GSTCD: variants seen among roughly 807,000 people sequenced by gnomAD.
The protein encoded by GSTCD is glutathione S-transferase C-terminal domain-containing protein.
In GSTCD, 44 loss-of-function variants were observed where a neutral mutation model predicts 68.3. That is an observed-to-expected ratio of 0.64 (90% CI 0.51 to 0.83). The LOEUF (loss-of-function observed/expected upper bound fraction) is 0.83. Among genes scored for constraint, GSTCD ranks in the 40% least tolerant of loss-of-function variants. The pLI, the probability that GSTCD is intolerant of heterozygous loss-of-function variation, is 0.00. For missense variants in GSTCD, 739 were observed against 735.9 expected (o/e 1.00, Z -0.05); for synonymous variants, 273 against 255.2 (o/e 1.07, Z -0.67).
At position 105,837,524 on chromosome 4, in the gene GSTCD, C is replaced by G. The variant is rs188773028; in HGVS notation, c.1665-335C>G. On this transcript the variant is annotated intron_variant, in intron 9 of 11. Coordinates refer to ENST00000515279, the MANE Select transcript of GSTCD (RefSeq NM_001370181.1). The stretch of plus-strand genomic sequence containing the variant: ...AAAGTATCTTTTCAATGGCAGTCCT[C>G]TCCTGATCTGTTGGCTGTGCACATC... Among the ~76,000 whole-genome samples the G allele has an allele frequency of 2.7e-3, 412 of 152,260 alleles. 1 individual carries two copies. The Middle Eastern group carries it at 0.037, about 14-fold the overall frequency.
chr4:105,781,557 A>C (rs1309948929), intron 5 of GSTCD, among the ~76,000 whole-genome samples: 1 of 152,004 alleles, frequency 6.6e-6, no homozygotes, highest in Non-Finnish European at 1.5e-5. Flanking sequence ...TTCTCAGCCT[A>C]ATTTTCCTTT....
rs750128463 is a variant in GSTCD at position 105,834,598 on chromosome 4, A to G, written c.1664+4A>G. 1.5e-5 allele frequency: 24 copies of G among 1,613,712 alleles called. No individual in the cohort carries two copies. The highest frequency in any genetic ancestry group is 1.9e-5 in the Non-Finnish European group (23 of 1,179,796). ...CAAAGTTCAATTTTCCAAAAAGGTG[A>G]GAAATTCAGTGTTCTACATAAGACA... On this transcript the variant is annotated splice_donor_region_variant and intron_variant, in intron 9 of 11. Transcript: ENST00000515279.
At chr4:105,762,123 A>C (rs1282306734) in intron 5 of GSTCD, among the ~76,000 whole-genome samples, 1 of 152,240 alleles carries the variant, frequency 6.6e-6, no homozygotes, top group African/African-American at 2.4e-5. Context: ...TCTCATATGG[A>C]AAATAGTCAG....
In GSTCD at chr4:105,834,526, T is replaced by C; in HGVS notation, c.1596T>C (p.Ala532=). 6.2e-7 allele frequency: 1 copy of C among 1,614,098 alleles called. No individual in the cohort carries two copies. Among genetic ancestry groups the C allele is most frequent in the African/African-American group, 1.3e-5 (1 of 75,048 alleles). ...MVIEHCIKTR[A]SFVTCPCCYG... ...TTGAGCACTGTATCAAAACACGGGC[T>C]TCCTTCGTCACATGCCCTTGCTGTT... Residue 532 remains alanine (A), a synonymous_variant, in exon 9 of 12, where the codon GCT becomes GCC. Transcript: ENST00000515279.
intron 3 of GSTCD, among the ~76,000 whole-genome samples, chr4:105,725,212 G>T (rs1022959289): frequency 3.9e-5 from 6 of 151,988 alleles, no homozygotes; most frequent in African/African-American, 1.4e-4. Flanking sequence ...GTTTTCCATT[G>T]TATAGCTGTA....
At position 105,790,157 on chromosome 4, in the gene GSTCD, A is replaced by C. The variant is rs181372359; in HGVS notation, c.1241-32797A>C. Among the ~76,000 whole-genome samples the C allele has an allele frequency of 4.6e-5, 7 of 152,198 alleles. No individual in the cohort carries two copies. The East Asian group carries it at 1.4e-3, about 29-fold the overall frequency. ...AAGGAGAACTAGGAATGTTGACAGC[A>C]AACTAACTTAGAGACCTCCCAGTTA... On this transcript the variant is annotated intron_variant, in intron 5 of 11. Transcript: ENST00000515279.
chr4:105,804,459 A>G (rs1182746002), intron 5 of GSTCD, among the ~76,000 whole-genome samples: 1 of 152,094 alleles, frequency 6.6e-6, no homozygotes, highest in African/African-American at 2.4e-5. Flanking sequence ...CACCTAATTC[A>G]GAGGATTTAT....
At chr4:105,726,198 A>G (rs948685665) in intron 3 of GSTCD, among the ~76,000 whole-genome samples, 1 of 152,186 alleles carries the variant, frequency 6.6e-6, no homozygotes, top group Non-Finnish European at 1.5e-5. Flanking sequence ...GTCATAATAA[A>G]AAGAAACAAA....
chr4:105,746,713 T>G (rs1322617279), intron 5 of GSTCD, among the ~76,000 whole-genome samples: 1 of 152,182 alleles, frequency 6.6e-6, no homozygotes, highest in Non-Finnish European at 1.5e-5. Context: ...TTGACTAAAG[T>G]TTTAAATGTA....
intron 5 of GSTCD, among the ~76,000 whole-genome samples, chr4:105,776,344 A>G (rs756708330): frequency 1.3e-5 from 2 of 152,034 alleles, no homozygotes; most frequent in Non-Finnish European, 2.9e-5. Context: ...CAGGGTAGTG[A>G]ATGGTTTTGT....
At chr4:105,752,032 C>T (rs1301823680) in intron 5 of GSTCD, among the ~76,000 whole-genome samples, 1 of 152,106 alleles carries the variant, frequency 6.6e-6, no homozygotes, top group African/African-American at 2.4e-5. Flanking sequence ...AAAATAAGCA[C>T]ATGCCCTGTA....
chr4:105,719,350 G>A lies in GSTCD; in HGVS notation c.717G>A (p.Leu239=). The A allele has an allele frequency of 6.2e-7, 1 of 1,614,134 alleles. No individual in the cohort carries two copies. Among genetic ancestry groups the A allele is most frequent in the Non-Finnish European group, 8.5e-7 (1 of 1,179,992 alleles). ...ATTCTTCATCCAAGAGTCTGGAACT[G>A]AAAGTGGCATTCTCAAAGCTCACAG... The part of the protein sequence containing the change: ...GLDSSSKSLE[L]KVAFSKLTVQ... Residue 239 remains leucine, a synonymous_variant, in exon 3 of 12, where the codon CTG becomes CTA. Coordinates refer to ENST00000515279, the MANE Select transcript of GSTCD (RefSeq NM_001370181.1).
intron 3 of GSTCD, among the ~76,000 whole-genome samples, chr4:105,721,268 G>T (rs1376680301): frequency 1.3e-5 from 2 of 152,050 alleles, no homozygotes; most frequent in African/African-American, 4.8e-5. Flanking sequence ...CTTGATATTT[G>T]TTATATTTTT....
chr4:105,842,702 A>G (rs1724404862), intron 11 of GSTCD, among the ~76,000 whole-genome samples: 1 of 152,232 alleles, frequency 6.6e-6, no homozygotes, highest in Non-Finnish European at 1.5e-5. Flanking sequence ...AGCAGTTAAT[A>G]GTTATACATT....
intron 5 of GSTCD, among the ~76,000 whole-genome samples, chr4:105,814,527 G>A (rs1722893069): frequency 6.6e-6 from 1 of 152,110 alleles, no homozygotes; most frequent in African/African-American, 2.4e-5. Flanking sequence ...CAGGAGAATT[G>A]CTTGAACCCT....
At chr4:105,755,680 C>T (rs1734163804) in intron 5 of GSTCD, among the ~76,000 whole-genome samples, 1 of 152,070 alleles carries the variant, frequency 6.6e-6, no homozygotes, top group Non-Finnish European at 1.5e-5. Context: ...GTACCCATGT[C>T]ACATGGTGTA....
intron 1 of GSTCD, among the ~76,000 whole-genome samples, chr4:105,714,649 A>G (rs1317812618): frequency 6.7e-6 from 1 of 148,682 alleles, no homozygotes; most frequent in Non-Finnish European, 1.5e-5. Flanking sequence ...TTTTTTTTTT[A>G]TTCTAAGATC....
At chr4:105,787,246 T>C (rs1735499928) in intron 5 of GSTCD, among the ~76,000 whole-genome samples, 1 of 152,070 alleles carries the variant, frequency 6.6e-6, no homozygotes, top group Non-Finnish European at 1.5e-5. Context: ...TTCCAGGCCC[T>C]AACCCCAGAG....
chr4:105,770,039 G>A (rs984647643), intron 5 of GSTCD, among the ~76,000 whole-genome samples: 2 of 152,192 alleles, frequency 1.3e-5, no homozygotes, highest in Non-Finnish European at 2.9e-5. Context: ...GATTACAGGT[G>A]TGAACCACCA....
Sources: gnomAD v4.1 joint callset for allele counts (sites outside exome capture counted in the v4.1 genomes callset) on GRCh38, gnomAD v4.1.1 for gene constraint, MANE v1.5 for transcripts, NCBI Gene and HGNC (gene_info 2026-07-23, HGNC 2026-07-21) for gene names.